The following ZNF423 variants were observed in gnomAD, a reference collection of about 807,000 sequenced individuals.
ZNF423 encodes the protein Ebf-associated zinc finger protein.
A neutral mutation model predicts 95.8 loss-of-function variants in ZNF423; 12 were observed. The observed-to-expected ratio is 0.13, with a 90% CI of 0.08 to 0.20. The LOEUF is 0.20. ZNF423 is among the 10% of genes least tolerant of loss of function. The pLI is 1.00. For missense variants in ZNF423, 1,316 were observed against 1,737.1 expected (o/e 0.76, Z 4.31); for synonymous variants, 749 against 711.9 (o/e 1.05, Z -0.83).
At chr16:49,801,228 C>T (rs1469434699) in intron 1 of ZNF423, among the ~76,000 whole-genome samples, 1 of 152,206 alleles carries the variant, frequency 6.6e-6, no homozygotes, top group Non-Finnish European at 1.5e-5. Context: ...GGTGAGGAGA[C>T]AGACGCCAGC....
chr16:49,795,650 A>G (rs182158506), intron 1 of ZNF423, among the ~76,000 whole-genome samples: 1 of 152,182 alleles, frequency 6.6e-6, no homozygotes, highest in African/African-American at 2.4e-5. Flanking sequence ...TTCACCGGAC[A>G]GGGCCTTGGA....
intron 3 of ZNF423, among the ~76,000 whole-genome samples, chr16:49,719,879 ACGAGAGAGGTT>A (rs1285600376): frequency 6.6e-6 from 1 of 152,204 alleles, no homozygotes; most frequent in Non-Finnish European, 1.5e-5. Context: ...TCAGGAACGC[ACGAGAGAGGTT>A]CAGCATAGCT....
intron 2 of ZNF423, chr16:49,731,396 G>A (rs1005645730): frequency 1.0e-5 from 10 of 985,158 alleles, no homozygotes; most frequent in South Asian, 4.7e-5. Context: ...AGCCAAGTTC[G>A]CCTTCCACAC....
intron 3 of ZNF423, among the ~76,000 whole-genome samples, chr16:49,657,670 C>T (rs1156548839): frequency 6.6e-6 from 1 of 152,246 alleles, no homozygotes; most frequent in Non-Finnish European, 1.5e-5. Context: ...CAGTGGTCTA[C>T]AGCAGCAGGC....
At chr16:49,571,725 G>A (rs1970362743) in intron 5 of ZNF423, among the ~76,000 whole-genome samples, 2 of 152,064 alleles carry the variant, frequency 1.3e-5, no homozygotes, top group Admixed American at 6.5e-5. Flanking sequence ...GAGCAGAGAG[G>A]ATGCAGGTTC....
At chr16:49,812,566 G>C (rs370149806) in intron 1 of ZNF423, among the ~76,000 whole-genome samples, 1 of 152,272 alleles carries the variant, frequency 6.6e-6, no homozygotes, top group South Asian at 2.1e-4. Context: ...GGTGGCATGC[G>C]CTACTCAGGA....
At chr16:49,583,519 A>G (rs1426854752) in intron 5 of ZNF423, among the ~76,000 whole-genome samples, 3 of 152,224 alleles carry the variant, frequency 2.0e-5, no homozygotes, top group Non-Finnish European at 4.4e-5. Flanking sequence ...CTAATGACAT[A>G]ATTTTCTTTA....
chr16:49,628,748 G>A (rs1479803821), intron 4 of ZNF423, among the ~76,000 whole-genome samples: 2 of 152,190 alleles, frequency 1.3e-5, no homozygotes, highest in African/African-American at 4.8e-5. Flanking sequence ...TCCACACACA[G>A]GGGCTAGTAC....
At chr16:49,533,963 G>T (rs1263969209) in intron 5 of ZNF423, among the ~76,000 whole-genome samples, 1 of 152,110 alleles carries the variant, frequency 6.6e-6, no homozygotes, top group East Asian at 1.9e-4. Flanking sequence ...CTTGAGACCA[G>T]CCTGGACAAC....
intron 3 of ZNF423, among the ~76,000 whole-genome samples, chr16:49,644,689 A>C (rs964609069): frequency 3.0e-4 from 42 of 140,144 alleles, no homozygotes; most frequent in Admixed American, 1.0e-3. Context: ...AAAAAAAAAA[A>C]AAAAAAAACC....
intron 2 of ZNF423, among the ~76,000 whole-genome samples, chr16:49,771,943 A>C (rs2143714743): frequency 6.6e-6 from 1 of 152,296 alleles, no homozygotes; most frequent in Admixed American, 6.5e-5. Context: ...GGATCCACAT[A>C]TGGATATATG....
chr16:49,691,886 C>T (rs767763280), intron 3 of ZNF423, among the ~76,000 whole-genome samples: 11 of 152,070 alleles, frequency 7.2e-5, no homozygotes, highest in Non-Finnish European at 1.3e-4. Flanking sequence ...TGCTGAGGGA[C>T]AGGGCGGCTG....
At chr16:49,783,327 G>A (rs72780373) in intron 2 of ZNF423, among the ~76,000 whole-genome samples, 13,635 of 150,694 alleles carry the variant, frequency 0.09, 709 homozygotes, top group Middle Eastern at 0.14. Context: ...AGGAAAGAGG[G>A]GGATTAGGGT....
At chr16:49,854,228 A>G (rs1597066074) in intron 1 of ZNF423, 1 of 985,230 alleles carries the variant, frequency 1.0e-6, no homozygotes, top group East Asian at 1.1e-4. Context: ...AACAAGACCA[A>G]CTTCTCTCAG....
intron 1 of ZNF423, among the ~76,000 whole-genome samples, chr16:49,840,996 T>C (rs2035177117): frequency 6.6e-6 from 1 of 152,128 alleles, no homozygotes; most frequent in South Asian, 2.1e-4. Context: ...AAACCTGGTG[T>C]CTCTAAAAAG....
chr16:49,598,619 T>C (rs908904680), intron 5 of ZNF423, among the ~76,000 whole-genome samples: 4 of 152,224 alleles, frequency 2.6e-5, no homozygotes, highest in South Asian at 2.1e-4. Context: ...GGCATTCCAC[T>C]GTACAGGAAA....
intron 7 of ZNF423, among the ~76,000 whole-genome samples, chr16:49,510,101 C>T (rs777559717): frequency 1.9e-4 from 29 of 152,228 alleles, no homozygotes; most frequent in Non-Finnish European, 3.8e-4. Flanking sequence ...CTTCTCCCAT[C>T]TGTGAAAGAG....
At chr16:49,787,267 A>G (rs941703813) in intron 2 of ZNF423, among the ~76,000 whole-genome samples, 2 of 152,116 alleles carry the variant, frequency 1.3e-5, no homozygotes, top group Admixed American at 1.3e-4. Context: ...AAATTTACAC[A>G]TGCACAGCAC....
chr16:49,658,488 T>C (rs2030012573), intron 3 of ZNF423, among the ~76,000 whole-genome samples: 1 of 152,256 alleles, frequency 6.6e-6, no homozygotes, highest in Non-Finnish European at 1.5e-5. Context: ...CCGATTTTCA[T>C]GTTTCCACCC....
Sources: allele counts gnomAD v4.1 joint callset (sites outside exome capture counted in the v4.1 genomes callset), GRCh38; gene constraint gnomAD v4.1.1; transcripts MANE v1.5; gene names NCBI Gene and HGNC (gene_info 2026-07-23, HGNC 2026-07-21).